The following EXT2 variants were observed in gnomAD, a reference collection of about 807,000 sequenced individuals.
EXT2 encodes the protein exostosin-2.
A neutral mutation model predicts 81.6 loss-of-function variants in EXT2; 53 were observed. The observed-to-expected ratio is 0.65, with a 90% CI of 0.52 to 0.82. EXT2 has a LOEUF of 0.82. Ranked by LOEUF, EXT2 falls within the 40% of genes least tolerant of loss-of-function variation. EXT2 has a pLI of 0.00. For synonymous variants in EXT2, 320 were observed against 340.0 expected, an observed-to-expected ratio of 0.94 and a Z score of 0.65; for missense variants, 774 against 910.2, an observed-to-expected ratio of 0.85 and a Z score of 1.93.
At chr11:44,222,760 TAAA>T (rs879617366) in intron 10 of EXT2, among the ~76,000 whole-genome samples, 2 of 146,698 alleles carry the variant, frequency 1.4e-5, no homozygotes, top group African/African-American at 5.0e-5. Flanking sequence ...GCATGATCCA[TAAA>T]AAAAAAAATT....
At chr11:44,177,845 A>G (rs775906856) in intron 8 of EXT2, among the ~76,000 whole-genome samples, 1 of 152,140 alleles carries the variant, frequency 6.6e-6, no homozygotes, top group Non-Finnish European at 1.5e-5. Flanking sequence ...TCTTATGGCC[A>G]TTGACAAAAA....
chr11:44,106,733 A>G (rs1229743830), intron 1 of EXT2, among the ~76,000 whole-genome samples: 11 of 152,126 alleles, frequency 7.2e-5, no homozygotes, highest in Non-Finnish European at 1.5e-4. Context: ...GGATTCAAGC[A>G]ATTCTCCTGC....
At chr11:44,169,099 A>G (rs889355104) in intron 7 of EXT2, among the ~76,000 whole-genome samples, 1 of 152,012 alleles carries the variant, frequency 6.6e-6, no homozygotes, top group Admixed American at 6.6e-5. Flanking sequence ...GCGTGCCTGT[A>G]ATCCCAGCTA....
chr11:44,215,421 A>G (rs1368720717), intron 10 of EXT2, among the ~76,000 whole-genome samples: 2 of 152,106 alleles, frequency 1.3e-5, no homozygotes, highest in Non-Finnish European at 2.9e-5. Flanking sequence ...TAGTTTTTTT[A>G]TGGATTTCTG....
chr11:44,146,168 C>A (rs1755277022), intron 7 of EXT2, among the ~76,000 whole-genome samples: 1 of 152,196 alleles, frequency 6.6e-6, no homozygotes, highest in Non-Finnish European at 1.5e-5. Context: ...CTCTGTGTGT[C>A]CAAATTCCTC....
intron 7 of EXT2, among the ~76,000 whole-genome samples, chr11:44,141,823 C>T (rs1954649997): frequency 6.6e-6 from 1 of 152,154 alleles, no homozygotes; most frequent in South Asian, 2.1e-4. Context: ...TGTAAGAAAT[C>T]TCTGATTACT....
intron 4 of EXT2, among the ~76,000 whole-genome samples, chr11:44,120,482 C>T (rs1169490045): frequency 6.6e-6 from 1 of 152,164 alleles, no homozygotes; most frequent in Non-Finnish European, 1.5e-5. Context: ...ATAAGAACAT[C>T]TCCTACCACC....
At chr11:44,196,179 A>G (rs933747318) in intron 8 of EXT2, among the ~76,000 whole-genome samples, 1 of 152,202 alleles carries the variant, frequency 6.6e-6, no homozygotes, top group South Asian at 2.1e-4. Flanking sequence ...CATTTAACTG[A>G]TAACTTTTGA....
intron 8 of EXT2, among the ~76,000 whole-genome samples, chr11:44,180,073 G>A (rs916327725): frequency 2.6e-5 from 4 of 152,026 alleles, no homozygotes; most frequent in South Asian, 2.1e-4. Context: ...AAAATAGTGC[G>A]GCTTAAAAAT....
intron 10 of EXT2, among the ~76,000 whole-genome samples, chr11:44,230,852 G>A (rs1412761694): frequency 6.6e-6 from 1 of 152,162 alleles, no homozygotes. Flanking sequence ...AAAGGGCATA[G>A]GGTCCAAACA....
rs772405998 is a variant in EXT2 at position 44,232,384 on chromosome 11, G to A, written c.1694G>A (p.Gly565Asp). ...CGGGAATTTCCTGACCGGTTGGTGG[G>A]TTACCCGGGTCGTCTGCATCTCTGG... ...VWREFPDRLV[G>D]YPGRLHLWDH... The change falls in exon 11 of 14, where the codon GGT (glycine) becomes GAT (aspartate). Residue 565 changes from glycine to aspartate, a missense_variant. Gly to Asp is a moderately conservative substitution (Grantham distance 94). This residue lies in a region of EXT2 where 148 missense variants were observed against 239.7 expected (regional missense o/e 0.62). Transcript: ENST00000533608. 1 of 1,613,992 alleles carries A rather than the reference G, an allele frequency of 6.2e-7. No homozygotes were observed. The highest frequency in any genetic ancestry group is 8.5e-7 in the Non-Finnish European group (1 of 1,179,948).
At chr11:44,235,102 C>A (rs1443287179) in intron 12 of EXT2, among the ~76,000 whole-genome samples, 1 of 152,094 alleles carries the variant, frequency 6.6e-6, no homozygotes, top group Non-Finnish European at 1.5e-5. Flanking sequence ...ACCAAACTTG[C>A]CCCAGTTCAC....
chr11:44,117,850 C>T (rs1310375892), intron 4 of EXT2, among the ~76,000 whole-genome samples: 1 of 152,144 alleles, frequency 6.6e-6, no homozygotes, highest in Non-Finnish European at 1.5e-5. Flanking sequence ...CAGCCTTGAA[C>T]CCCTGGGCTC....
intron 13 of EXT2, among the ~76,000 whole-genome samples, chr11:44,240,428 C>T (rs1457851619): frequency 6.6e-6 from 1 of 152,174 alleles, no homozygotes; most frequent in Non-Finnish European, 1.5e-5. Flanking sequence ...TGGTGGTAGG[C>T]ACCTCTAGTC....
rs1955913131 is a variant in EXT2, at chr11:44,232,628, A to G, written c.1806+132A>G. 2.6e-6 allele frequency: 3 copies of G among 1,155,342 alleles called. No individual in the cohort carries two copies. The Admixed American group carries it at 7.8e-5, about 30-fold the overall frequency. 71.6% of individuals were successfully genotyped at this position (1,155,342 alleles called of 1,614,324 possible). A position where few individuals can be genotyped will look rare whatever the true frequency, so the allele number is the denominator to read the frequency against. The stretch of plus-strand genomic sequence containing the variant: ...TATTGTGTGACAGTATTTTACAAAT[A>G]AAGCTATCCTTTTTCTAATTATAAA... On this transcript the variant is annotated intron_variant, in intron 11 of 13. Transcript: ENST00000533608.
At chr11:44,108,538 T>G (rs1954096386) in intron 2 of EXT2, among the ~76,000 whole-genome samples, 1 of 152,178 alleles carries the variant, frequency 6.6e-6, no homozygotes, top group Non-Finnish European at 1.5e-5. Context: ...TATTCTTCCT[T>G]TTAAATCTAA....
rs758447192 is a variant in EXT2 at position 44,124,990 on chromosome 11, T to C, written c.939+6T>C. 17 of 1,611,930 alleles carry C rather than the reference T, an allele frequency of 1.1e-5. No homozygotes were observed. Among genetic ancestry groups the C allele is most frequent in the Non-Finnish European group, 1.4e-5 (17 of 1,179,836 alleles). ...ATTACCCACAGGTGCTACAGGTGAG[T>C]GTCATTCATTACCTCTCGCAAAGGC... is the stretch of plus-strand genomic sequence containing the variant. On this transcript the variant is annotated splice_donor_region_variant and intron_variant, in intron 5 of 13. Transcript: ENST00000533608.
chr11:44,177,146 C>T (rs140752925), intron 8 of EXT2, among the ~76,000 whole-genome samples: 10 of 152,186 alleles, frequency 6.6e-5, no homozygotes, highest in Admixed American at 6.5e-4. Flanking sequence ...AGAGATTGAC[C>T]TTTTGTTTTG....
At chr11:44,112,229 G>A (rs1160221287) in intron 3 of EXT2, among the ~76,000 whole-genome samples, 2 of 152,158 alleles carry the variant, frequency 1.3e-5, no homozygotes, top group Admixed American at 1.3e-4. Context: ...TAGGGAGGGT[G>A]GAGAATACAA....
Sources: gnomAD v4.1 joint callset for allele counts (sites outside exome capture counted in the v4.1 genomes callset) on GRCh38, gnomAD v4.1.1 for gene constraint, gnomAD v4.1.1 regional missense constraint, MANE v1.5 for transcripts, NCBI Gene and HGNC (gene_info 2026-07-23, HGNC 2026-07-21) for gene names.